Variants in CFAP299 observed in about 807,000 individuals in gnomAD.
The protein encoded by CFAP299 is cilia- and flagella-associated protein 299.
Under a neutral mutation model 27.0 loss-of-function variants are expected in CFAP299, and 21 were observed. That is an observed-to-expected ratio of 0.78 (90% CI 0.55 to 1.12). The LOEUF is 1.12. Among genes scored for constraint, CFAP299 ranks in the 50% most tolerant of loss-of-function variants. CFAP299 has a pLI of 0.00. For synonymous variants in CFAP299, 104 were observed against 98.1 expected, an observed-to-expected ratio of 1.06 and a Z score of -0.36; for missense variants, 310 against 276.6, an observed-to-expected ratio of 1.12 and a Z score of -0.86.
intron 3 of CFAP299, among the ~76,000 whole-genome samples, chr4:80,732,637 T>C (rs929076885): frequency 6.6e-6 from 1 of 152,076 alleles, no homozygotes; most frequent in Non-Finnish European, 1.5e-5. Flanking sequence ...ATCAGTTATT[T>C]CTTCTAGGAA....
upstream of CFAP299, among the ~76,000 whole-genome samples, chr4:80,333,318 A>G (rs1360350455): frequency 6.6e-6 from 1 of 152,230 alleles, no homozygotes; most frequent in Non-Finnish European, 1.5e-5. Context: ...TTGGCTGATG[A>G]TTAAGCAATA....
At chr4:80,450,292 T>G (rs1412830316) in intron 2 of CFAP299, among the ~76,000 whole-genome samples, 1 of 152,174 alleles carries the variant, frequency 6.6e-6, no homozygotes, top group African/African-American at 2.4e-5. Context: ...TATTAATAAA[T>G]GCATTGATAT....
At chr4:80,875,042 G>T (rs148682122) in intron 4 of CFAP299, among the ~76,000 whole-genome samples, 1 of 151,678 alleles carries the variant, frequency 6.6e-6, no homozygotes, top group East Asian at 1.9e-4. Context: ...TTTTTAATGC[G>T]ACTACTAGAA....
intron 2 of CFAP299, among the ~76,000 whole-genome samples, chr4:80,577,054 T>C (rs1345598052): frequency 6.6e-6 from 1 of 152,202 alleles, no homozygotes; most frequent in Non-Finnish European, 1.5e-5. Flanking sequence ...TACTGATTTA[T>C]GTTCCTTCTC....
In CFAP299 at chr4:80,943,664, G is replaced by C. The variant is rs183062360; in HGVS notation, c.477-1146G>C. Among the ~76,000 whole-genome samples the C allele has an allele frequency of 4.0e-3, 616 of 152,196 alleles. 1 individual carries two copies. Among genetic ancestry groups the C allele is most frequent in the Middle Eastern group, 0.014 (4 of 294 alleles). ...TATTTTATAAGATATGTAAAAATAA[G>C]TGTAAATATATTGAGGATTCTTTCA... On this transcript the variant is annotated intron_variant, in intron 4 of 5. Transcript: ENST00000358105.
intron 3 of CFAP299, among the ~76,000 whole-genome samples, chr4:80,819,548 G>A (rs1471674060): frequency 6.6e-6 from 1 of 152,038 alleles, no homozygotes; most frequent in Non-Finnish European, 1.5e-5. Context: ...GTAAAAGGAG[G>A]GGAAATGCTA....
At chr4:80,572,535 T>TTTTTTTTTTTTTG (rs869059415) in intron 2 of CFAP299, among the ~76,000 whole-genome samples, 1 of 127,912 alleles carries the variant, frequency 7.8e-6, no homozygotes, top group African/African-American at 3.1e-5. Context: ...TTTTTTTTTT[T>TTTTTTTTTTTTTG]GAGAGGGAGT....
intron 3 of CFAP299, among the ~76,000 whole-genome samples, chr4:80,657,381 A>T (rs569516319): frequency 6.6e-6 from 1 of 152,186 alleles, no homozygotes; most frequent in Non-Finnish European, 1.5e-5. Context: ...TAAGTCTTCA[A>T]TCCATCTTAA....
intron 3 of CFAP299, among the ~76,000 whole-genome samples, chr4:80,754,068 G>C (rs1725090703): frequency 6.6e-6 from 1 of 152,072 alleles, no homozygotes; most frequent in African/African-American, 2.4e-5. Flanking sequence ...TCGCAATCTT[G>C]TGGTTTTTGT....
intron 2 of CFAP299, among the ~76,000 whole-genome samples, chr4:80,556,531 C>T (rs182355309): frequency 2.0e-5 from 3 of 151,910 alleles, no homozygotes; most frequent in African/African-American, 7.2e-5. Flanking sequence ...AAGCTAAACA[C>T]CATCTCAGAT....
intron 3 of CFAP299, among the ~76,000 whole-genome samples, chr4:80,835,421 G>A (rs1011490091): frequency 4.0e-5 from 6 of 151,786 alleles, no homozygotes; most frequent in Admixed American, 2.6e-4. Context: ...TTTTGGTTCA[G>A]TGGATCTGGA....
rs140968134 is a variant in CFAP299, at chr4:80,863,433, C to T, written c.334-6560C>T. Among the ~76,000 whole-genome samples, 9 of 152,128 alleles carry T rather than the reference C, an allele frequency of 5.9e-5. No individual in the cohort carries two copies. In the East Asian group the frequency reaches 1.7e-3, roughly 29 times the overall value. On this transcript the variant is annotated intron_variant, in intron 3 of 5. Coordinates refer to ENST00000358105, the MANE Select transcript of CFAP299 (RefSeq NM_152770.3). Reference sequence around the variant, plus strand: ...AAATTTTACTCTAATTCATCTTTTTCCAATATATGAGAGGTAATGAGGACC... The same window carrying T: ...AAATTTTACTCTAATTCATCTTTTTTCAATATATGAGAGGTAATGAGGACC...
intron 3 of CFAP299, among the ~76,000 whole-genome samples, chr4:80,671,013 T>G (rs969497659): frequency 6.6e-6 from 1 of 152,248 alleles, no homozygotes; most frequent in Admixed American, 6.5e-5. Context: ...ATTTGTCTAT[T>G]TTGGCTTTTG....
chr4:80,944,948 T>A lies in CFAP299; in HGVS notation c.606+9T>A. ...TTAATGTGGACCCAAAGGTAATTCT[T>A]CTTTTACACTTAGTTAGTTACCTCT... On this transcript the variant is annotated intron_variant, in intron 5 of 5. Coordinates refer to ENST00000358105, the MANE Select transcript of CFAP299 (RefSeq NM_152770.3). The A allele has an allele frequency of 6.2e-7, 1 of 1,607,620 alleles. No homozygotes were observed. Among genetic ancestry groups the A allele is most frequent in the Non-Finnish European group, 8.5e-7 (1 of 1,176,140 alleles).
intron 4 of CFAP299, among the ~76,000 whole-genome samples, chr4:80,887,094 CA>C (rs34248934): frequency 6.6e-6 from 1 of 151,786 alleles, no homozygotes; most frequent in Non-Finnish European, 1.5e-5. Flanking sequence ...AAAATAGCCC[CA>C]AAAGGGTAAA....
intron 2 of CFAP299, among the ~76,000 whole-genome samples, chr4:80,437,667 G>T (rs890106361): frequency 6.6e-6 from 1 of 152,132 alleles, no homozygotes; most frequent in African/African-American, 2.4e-5. Context: ...TCCAAGGCTG[G>T]TCACTATACA....
At chr4:80,701,627 G>A (rs916797745) in intron 3 of CFAP299, among the ~76,000 whole-genome samples, 1 of 151,928 alleles carries the variant, frequency 6.6e-6, no homozygotes, top group Non-Finnish European at 1.5e-5. Flanking sequence ...AAAAGTTTGA[G>A]TGTGGTTAAT....
intron 1 of CFAP299, among the ~76,000 whole-genome samples, chr4:80,337,167 A>G (rs562241629): frequency 6.6e-6 from 1 of 152,380 alleles, no homozygotes; most frequent in Admixed American, 6.5e-5. Context: ...CAATGTTTAC[A>G]TCTAAATTTT....
chr4:80,538,589 A>G (rs540892725), intron 2 of CFAP299, among the ~76,000 whole-genome samples: 2 of 151,988 alleles, frequency 1.3e-5, no homozygotes, highest in African/African-American at 4.8e-5. Context: ...TTTTTACTGT[A>G]CCTTTTATAA....
Sources: gnomAD v4.1 joint callset for allele counts (sites outside exome capture counted in the v4.1 genomes callset) on GRCh38, gnomAD v4.1.1 for gene constraint, MANE v1.5 for transcripts, NCBI Gene and HGNC (gene_info 2026-07-23, HGNC 2026-07-21) for gene names.